CAV2: variants seen among roughly 807,000 people sequenced by gnomAD.
The protein encoded by CAV2 is caveolin-2.
In CAV2, 7 loss-of-function variants were observed where a neutral mutation model predicts 15.5. The ratio of observed to expected loss-of-function variants is 0.45; its 90% CI spans 0.26 to 0.85. The LOEUF (loss-of-function observed/expected upper bound fraction) is 0.85, where lower values mean the gene tolerates loss of function less well. CAV2 is among the 40% of genes least tolerant of loss of function. The pLI is 0.18. For synonymous variants in CAV2, 76 were observed against 83.1 expected, an observed-to-expected ratio of 0.91 and a Z score of 0.46; for missense variants, 229 against 208.8, an observed-to-expected ratio of 1.10 and a Z score of -0.60.
At chr7:116,500,559 A>G in intron 2 of CAV2, 112 bp downstream of exon 2, 3 of 1,026,526 alleles carry the variant, frequency 2.9e-6, no homozygotes, top group Non-Finnish European at 4.3e-6. Context: ...AGGAACGCGC[A>G]TCAGTTCCCA....
chr7:116,506,062 T>C lies in CAV2; in HGVS notation c.430T>C (p.Leu144=), dbSNP rs757174021. Residue 144 remains leucine (L), a synonymous_variant, in exon 3 of 3, where the codon TTG becomes CTG. Coordinates refer to ENST00000222693, the MANE Select transcript of CAV2 (RefSeq NM_001233.5). ...TGTGACAGATGTTATCATTGCTCCA[T>C]TGTGTACGAGCGTAGGACGATGCTT... The part of the protein sequence containing the change: ...KSVTDVIIAP[L]CTSVGRCFSS... 6 of 1,613,802 alleles carry C rather than the reference T, an allele frequency of 3.7e-6. No individual in the cohort carries two copies. The Admixed American group carries it at 8.3e-5, about 22-fold the overall frequency.
chr7:116,500,503 C>T, intron 2 of CAV2, 56 bp downstream of exon 2: 1 of 1,513,996 alleles, frequency 6.6e-7, no homozygotes, highest in South Asian at 1.2e-5. Flanking sequence ...ATATTCTCCG[C>T]CACCTGCCCC....
At position 116,507,857 on chromosome 7, in the gene CAV2, T is replaced by TAA. The variant is rs2115868629; in HGVS notation, c.*1737_*1738dup. ...TCAATTGACATTCCTTTGAATACGC[T>TAA]AATAAGTGACAAATAAGATTAATAA... On this transcript the variant is annotated 3_prime_UTR_variant, in exon 3 of 3. Coordinates refer to ENST00000222693, the MANE Select transcript of CAV2 (RefSeq NM_001233.5). The TAA allele has an allele frequency of 6.6e-6, 1 of 152,272 alleles. No individual in the cohort carries two copies. The highest frequency in any genetic ancestry group is 1.9e-4 in the East Asian group (1 of 5,188). The allele number at this position is 152,272 out of a possible 1,614,324, so 9.4% of individuals were successfully genotyped here.
rs1793253270 is a variant in CAV2, at chr7:116,507,030, G to A, written c.*909G>A. Reference sequence around the variant, plus strand: ...TCTTAAAATAATTCATATCTAAATAGTATTTTGTCTAGGAGATGCTTTCTC... The same window carrying A: ...TCTTAAAATAATTCATATCTAAATAATATTTTGTCTAGGAGATGCTTTCTC... On this transcript the variant is annotated 3_prime_UTR_variant, in exon 3 of 3. Coordinates refer to ENST00000222693, the MANE Select transcript of CAV2 (RefSeq NM_001233.5). 1 of 152,552 alleles carries A rather than the reference G, an allele frequency of 6.6e-6. No individual in the cohort carries two copies. The highest frequency in any genetic ancestry group is 2.1e-4 in the South Asian group (1 of 4,830). 9.4% of individuals were successfully genotyped at this position (152,552 alleles called of 1,614,324 possible).
intron 1 of CAV2, 132 bp downstream of exon 1, chr7:116,500,063 C>T: frequency 6.8e-7 from 1 of 1,470,900 alleles, no homozygotes; most frequent in African/African-American, 1.4e-5. Flanking sequence ...GCACCCTTCC[C>T]CGGTCCCACC....
intron 2 of CAV2, among the ~76,000 whole-genome samples, chr7:116,502,615 T>TA (rs1356258998): frequency 9.8e-5 from 15 of 152,326 alleles, no homozygotes; most frequent in Admixed American, 3.9e-4. Context: ...TTTATATATA[T>TA]TTTTTAAAGC....
In CAV2 at chr7:116,506,814, A is replaced by G. The variant is rs1473176626; in HGVS notation, c.*693A>G. ...ATTTTTATTATATTTATGTTGTTGA[A>G]CTAATATATGAAATAAGTAAATGTA... On this transcript the variant is annotated 3_prime_UTR_variant, in exon 3 of 3. Transcript: ENST00000222693. The G allele has an allele frequency of 6.6e-6, 1 of 152,224 alleles. No individual in the cohort carries two copies. Among genetic ancestry groups the G allele is most frequent in the Non-Finnish European group, 1.5e-5 (1 of 68,028 alleles). The allele number at this position is 152,224 out of a possible 1,614,324, so 9.4% of individuals were successfully genotyped here.
In CAV2 at chr7:116,508,106, T is replaced by C. The variant is rs1793284910; in HGVS notation, c.*1985T>C. 6.6e-6 allele frequency: 1 copy of C among 152,230 alleles called. No individual in the cohort carries two copies. Among genetic ancestry groups the C allele is most frequent in the Non-Finnish European group, 1.5e-5 (1 of 68,030 alleles). The allele number at this position is 152,230 out of a possible 1,614,324, so 9.4% of individuals were successfully genotyped here. On this transcript the variant is annotated 3_prime_UTR_variant, in exon 3 of 3. Coordinates refer to ENST00000222693, the MANE Select transcript of CAV2 (RefSeq NM_001233.5). ...ACTCATTTTGACCATATAGATTTTATTATGTTAGTTTAAAAGGTCAATCAG... is the reference window on the plus strand; with the variant it reads ...ACTCATTTTGACCATATAGATTTTACTATGTTAGTTTAAAAGGTCAATCAG...
intron 2 of CAV2, chr7:116,501,378 G>A (rs1793100726): frequency 6.6e-6 from 1 of 152,160 alleles, no homozygotes; most frequent in East Asian, 1.9e-4. Context: ...CCTGGTGAAA[G>A]GTATAACCCA....
At chr7:116,499,974 G>A in intron 1 of CAV2, 43 bp downstream of exon 1, 1 of 1,595,370 alleles carries the variant, frequency 6.3e-7, no homozygotes, top group South Asian at 1.1e-5. Context: ...GCTGAGGCCG[G>A]GAGGTGCGGG....
intron 2 of CAV2, among the ~76,000 whole-genome samples, chr7:116,503,567 G>A (rs1039519787): frequency 2.0e-5 from 3 of 151,848 alleles, no homozygotes; most frequent in Non-Finnish European, 2.9e-5. Context: ...AGTGGCTCTC[G>A]CCTGTAATCC....
intron 2 of CAV2, among the ~76,000 whole-genome samples, chr7:116,502,838 A>G (rs1160439537): frequency 6.6e-6 from 1 of 152,210 alleles, no homozygotes; most frequent in Non-Finnish European, 1.5e-5. Flanking sequence ...AATTAGTTGG[A>G]TTCCATACTA....
intron 2 of CAV2, among the ~76,000 whole-genome samples, chr7:116,504,561 T>G (rs1793187318): frequency 6.6e-6 from 1 of 152,226 alleles, no homozygotes; most frequent in South Asian, 2.1e-4. Flanking sequence ...TCCTTCATTT[T>G]GGGCTAAGTA....
chr7:116,500,416 C>A lies in CAV2; in HGVS notation c.307C>A (p.Leu103Ile). ...AIPLAFIAGI[L>I]FATLSCLHIW... The stretch of plus-strand genomic sequence containing the variant: ...TCCCCTGGCCTTCATTGCGGGAATT[C>A]TCTTTGCCACCCTCAGCTGTCTGCA... Residue 103 changes from leucine to isoleucine, a missense_variant, in exon 2 of 3, where the codon CTC (leucine) becomes ATC (isoleucine). By Grantham distance (5) the Leu-to-Ile change is conservative (BLOSUM62 2). Transcript: ENST00000222693. 1 of 1,613,948 alleles carries A rather than the reference C, an allele frequency of 6.2e-7. No individual in the cohort carries two copies.
intron 2 of CAV2, among the ~76,000 whole-genome samples, 167 bp from the exon 3 acceptor site, chr7:116,505,804 G>A (rs1000700989): frequency 1.3e-5 from 2 of 152,058 alleles, no homozygotes; most frequent in South Asian, 2.1e-4. Flanking sequence ...GAGTCAGGGG[G>A]ACAAAAAACC....
At chr7:116,505,585 C>T (rs12668473) in intron 2 of CAV2, among the ~76,000 whole-genome samples, 52,551 of 151,888 alleles carry the variant, frequency 0.35, 9,359 homozygotes, top group African/African-American at 0.4. Flanking sequence ...GGAGCAGGCA[C>T]GTCACATGGC....
Position 116,499,772 on chromosome 7 carries a change from C to A in CAV2, c.-10C>A, listed in dbSNP as rs759242991. ...CAGCCGGGCTGCAGCGGCCGCGCAC[C>A]AAGGCTGCGATGGGGCTGGAGACGG... is the stretch of plus-strand genomic sequence containing the variant. On this transcript the variant is annotated 5_prime_UTR_variant, in exon 1 of 3. Coordinates refer to ENST00000222693, the MANE Select transcript of CAV2 (RefSeq NM_001233.5). 6.5e-7 allele frequency: 1 copy of A among 1,541,948 alleles called. No homozygotes were observed. The highest frequency in any genetic ancestry group is 1.2e-5 in the South Asian group (1 of 82,938).
chr7:116,507,768 T>C lies in CAV2; in HGVS notation c.*1647T>C, dbSNP rs1041111885. On this transcript the variant is annotated 3_prime_UTR_variant, in exon 3 of 3. Coordinates refer to ENST00000222693, the MANE Select transcript of CAV2 (RefSeq NM_001233.5). ...AAAAACAAGTCTATAATGTGAGTAG[T>C]TACTAAAATTTACACATCTTAAAAG... 2 of 152,126 alleles carry C rather than the reference T, an allele frequency of 1.3e-5. No individual in the cohort carries two copies. The highest frequency in any genetic ancestry group is 2.9e-5 in the Non-Finnish European group (2 of 68,020). The allele number at this position is 152,126 out of a possible 1,614,324, so 9.4% of individuals were successfully genotyped here. A position where few individuals can be genotyped will look rare whatever the true frequency, so the allele number is the denominator to read the frequency against.
Position 116,506,188 on chromosome 7 carries a change from A to G in CAV2, c.*67A>G, listed in dbSNP as rs753805687. The G allele has an allele frequency of 5.4e-6, 8 of 1,482,466 alleles. No individual in the cohort carries two copies. The highest frequency in any genetic ancestry group is 7.5e-6 in the Non-Finnish European group (8 of 1,071,862). The allele number at this position is 1,482,466 out of a possible 1,614,324, so 91.8% of individuals were successfully genotyped here. ...TTCTTTGTTATTATAACATAAAAGC[A>G]CCACTGTTCTGTTCATTTCCTAGCT... On this transcript the variant is annotated 3_prime_UTR_variant, in exon 3 of 3. Transcript: ENST00000222693.
Sources: allele counts gnomAD v4.1 joint callset (sites outside exome capture counted in the v4.1 genomes callset), GRCh38; gene constraint gnomAD v4.1.1; transcripts MANE v1.5; gene names NCBI Gene and HGNC (gene_info 2026-07-23, HGNC 2026-07-21).